The following ANO1 variants were observed in gnomAD, a reference collection of about 807,000 sequenced individuals.
ANO1 encodes anoctamin-1.
In ANO1, 59 loss-of-function variants were observed where a neutral mutation model predicts 124.0. The ratio of observed to expected loss-of-function variants is 0.48; its 90% CI spans 0.39 to 0.59. The LOEUF (loss-of-function observed/expected upper bound fraction) is 0.59, where lower values mean the gene tolerates loss of function less well. Among genes scored for constraint, ANO1 ranks in the 20% least tolerant of loss-of-function variants. The pLI, the probability that ANO1 is intolerant of heterozygous loss-of-function variation, is 0.00. For synonymous variants in ANO1, 529 were observed against 532.0 expected (o/e 0.99, Z 0.08); for missense variants, 1,059 against 1,328.0 (o/e 0.80, Z 3.15).
chr11:70,187,741 C>T lies in ANO1; in HGVS notation c.2698C>T (p.Leu900=), dbSNP rs1264715021. ...CACGCGTTGCCTCTCCTTCCAGAAC[C>T]TGGTCATGTTCATGAGCGACTTTGT... ...RLAFVIVFQN[L]VMFMSDFVDW... is the part of the protein sequence containing the mutation. The change falls in exon 26 of 26, where the codon CTG becomes TTG. Residue 900 remains leucine, a synonymous_variant. Coordinates refer to ENST00000355303, the MANE Select transcript of ANO1 (RefSeq NM_018043.7). 6.2e-7 allele frequency: 1 copy of T among 1,607,184 alleles called. No individual in the cohort carries two copies. The highest frequency in any genetic ancestry group is 8.5e-7 in the Non-Finnish European group (1 of 1,177,112).
chr11:70,027,779 T>C (rs1019259392), intron 1 of ANO1, among the ~76,000 whole-genome samples: 1 of 152,066 alleles, frequency 6.6e-6, no homozygotes. Context: ...TTCCTAGGGG[T>C]GGAACACGCC....
chr11:70,161,776 G>A (rs778086759), intron 18 of ANO1, 43 bp downstream of exon 18: 3 of 1,584,546 alleles, frequency 1.9e-6, no homozygotes, highest in African/African-American at 2.7e-5. Context: ...CTTCTCCCAG[G>A]TCCAGGAGAG....
At chr11:70,116,942 C>T (rs61885477) in intron 8 of ANO1, among the ~76,000 whole-genome samples, 7,936 of 152,132 alleles carry the variant, frequency 0.052, 317 homozygotes, top group Middle Eastern at 0.095. Flanking sequence ...CCCCCAGCAG[C>T]GCATTGGGGA....
intron 1 of ANO1, among the ~76,000 whole-genome samples, chr11:70,061,969 C>T (rs975003709): frequency 2.0e-5 from 3 of 151,666 alleles, no homozygotes; most frequent in Non-Finnish European, 2.9e-5. Context: ...AATACAAAGG[C>T]CATGTAATTC....
intron 24 of ANO1, among the ~76,000 whole-genome samples, chr11:70,185,239 CA>C (rs1196730515): frequency 1.3e-5 from 2 of 152,234 alleles, no homozygotes; most frequent in Non-Finnish European, 2.9e-5. Context: ...CTTTTGGGAA[CA>C]AAGGCTCCAC....
At chr11:70,004,107 C>A (rs10899056) in intron 1 of ANO1, among the ~76,000 whole-genome samples, 73,923 of 151,920 alleles carry the variant, frequency 0.49, 19,255 homozygotes, top group East Asian at 0.89. Context: ...GCTCCTTCAG[C>A]GGCCCCCAAA....
chr11:69,985,552 A>G (rs894929444), upstream of ANO1, among the ~76,000 whole-genome samples: 2 of 151,606 alleles, frequency 1.3e-5, no homozygotes, highest in Non-Finnish European at 2.9e-5. Context: ...CCCCGCGCCC[A>G]GGGCTGCGCC....
intron 1 of ANO1, among the ~76,000 whole-genome samples, chr11:70,039,221 G>A (rs1857142870): frequency 6.6e-6 from 1 of 152,100 alleles, no homozygotes; most frequent in Non-Finnish European, 1.5e-5. Context: ...TAGTCCTTTA[G>A]GACTCATGCT....
chr11:70,170,149 G>A, intron 21 of ANO1: 1 of 456,324 alleles, frequency 2.2e-6, no homozygotes, highest in Non-Finnish European at 4.4e-6. Context: ...TTTGGGCTCT[G>A]GAAGATTCAG....
intron 1 of ANO1, among the ~76,000 whole-genome samples, chr11:70,069,102 C>T (rs1857804192): frequency 1.3e-5 from 2 of 152,346 alleles, no homozygotes; most frequent in East Asian, 1.9e-4. Context: ...TCACAGAGGG[C>T]CCGGGGCCAT....
At chr11:70,068,732 A>G (rs932515425) in intron 1 of ANO1, among the ~76,000 whole-genome samples, 1 of 151,902 alleles carries the variant, frequency 6.6e-6, no homozygotes. Context: ...CACGCCCCCT[A>G]CTCTTTCCCT....
rs148280147 is a variant in ANO1 at position 70,166,374 on chromosome 11, G to A, written c.2051+804G>A. ...AAAATAAAGCCACCCCATTTTGGAC[G>A]AAGGAGGGAGAGGAAGTCAGAATGA... On this transcript the variant is annotated intron_variant, in intron 20 of 25. Transcript: ENST00000355303. 6.0e-3 allele frequency among the ~76,000 whole-genome samples: 917 copies of A among 152,264 alleles called. 7 individuals carry two copies. Among genetic ancestry groups the A allele is most frequent in the South Asian group, 0.022 (108 of 4,814 alleles).
chr11:70,088,275 G>T (rs1367611054), intron 2 of ANO1, among the ~76,000 whole-genome samples, 191 bp downstream of exon 2: 1 of 152,044 alleles, frequency 6.6e-6, no homozygotes, highest in Non-Finnish European at 1.5e-5. Context: ...ACTTCGGGAG[G>T]CTGAGGGGGG....
intron 1 of ANO1, among the ~76,000 whole-genome samples, chr11:70,031,309 T>C (rs1266840018): frequency 6.6e-6 from 1 of 152,232 alleles, no homozygotes; most frequent in African/African-American, 2.4e-5. Flanking sequence ...TTAGCATATC[T>C]ATCACCTCAT....
intron 2 of ANO1, among the ~76,000 whole-genome samples, chr11:70,091,704 C>T (rs975263427): frequency 6.6e-6 from 1 of 152,196 alleles, no homozygotes; most frequent in Non-Finnish European, 1.5e-5. Context: ...AGGCCACTGG[C>T]TGTGCAGGTG....
intron 1 of ANO1, among the ~76,000 whole-genome samples, chr11:70,033,641 G>A (rs534808671): frequency 4.5e-4 from 68 of 152,188 alleles, no homozygotes; most frequent in African/African-American, 1.6e-3. Flanking sequence ...ATGGCTGCAG[G>A]AGCACATGGA....
intron 1 of ANO1, among the ~76,000 whole-genome samples, chr11:70,087,363 G>T (rs2044425072): frequency 6.6e-6 from 1 of 152,124 alleles, no homozygotes; most frequent in African/African-American, 2.4e-5. Context: ...CAAATACTAG[G>T]TCTTATTCTT....
intron 8 of ANO1, among the ~76,000 whole-genome samples, chr11:70,123,555 C>T (rs528284141): frequency 6.6e-6 from 1 of 152,248 alleles, no homozygotes; most frequent in East Asian, 1.9e-4. Context: ...GCAGCTTGGC[C>T]CCAGAATGGG....
At chr11:70,176,899 G>A (rs949503007) in intron 22 of ANO1, among the ~76,000 whole-genome samples, 2 of 152,180 alleles carry the variant, frequency 1.3e-5, no homozygotes, top group Non-Finnish European at 2.9e-5. Context: ...CAGGAGAGGC[G>A]GATCCCGTGG....
Sources: gnomAD v4.1 joint callset for allele counts (sites outside exome capture counted in the v4.1 genomes callset) on GRCh38, gnomAD v4.1.1 for gene constraint, MANE v1.5 for transcripts, NCBI Gene and HGNC (gene_info 2026-07-23, HGNC 2026-07-21) for gene names.